The following KCNK1 variants were observed in gnomAD, a reference collection of about 807,000 sequenced individuals.
The protein encoded by KCNK1 is potassium two pore domain channel subfamily K member 1, also known as potassium channel subfamily K member 1.
In KCNK1, 10 loss-of-function variants were observed where a neutral mutation model predicts 22.2. That is an observed-to-expected ratio of 0.45 (90% confidence interval 0.28 to 0.76). The LOEUF (loss-of-function observed/expected upper bound fraction) is 0.76, where lower values mean the gene tolerates loss of function less well. KCNK1 is among the 30% of genes least tolerant of loss of function. The probability of loss-of-function intolerance (pLI) is 0.14; values close to 1 mark genes in which losing one functional copy is unlikely to be tolerated. For synonymous variants in KCNK1, 200 were observed against 186.4 expected, an observed-to-expected ratio of 1.07 and a Z score of -0.60; for missense variants, 378 against 421.0, an observed-to-expected ratio of 0.90 and a Z score of 0.89.
chr1:233,621,443 G>A (rs896795189), intron 1 of KCNK1, among the ~76,000 whole-genome samples: 9 of 152,214 alleles, frequency 5.9e-5, no homozygotes, highest in Admixed American at 4.6e-4. Flanking sequence ...ACAAATAGTG[G>A]AGGACAAGAG....
chr1:233,623,158 T>C (rs1433169389), intron 1 of KCNK1, among the ~76,000 whole-genome samples: 1 of 152,072 alleles, frequency 6.6e-6, no homozygotes, highest in Non-Finnish European at 1.5e-5. Context: ...CACTAACTTC[T>C]GGGATTATCT....
At chr1:233,617,503 G>A (rs1021146800) in intron 1 of KCNK1, among the ~76,000 whole-genome samples, 2 of 152,202 alleles carry the variant, frequency 1.3e-5, no homozygotes, top group African/African-American at 4.8e-5. Flanking sequence ...CACACATTTA[G>A]TTAATATAAG....
intron 1 of KCNK1, among the ~76,000 whole-genome samples, chr1:233,637,845 C>T (rs3855978): frequency 0.17 from 25,486 of 151,942 alleles, 4,281 homozygotes; most frequent in African/African-American, 0.42. Context: ...TGAATAGACT[C>T]AATATTTAAA....
At chr1:233,653,116 T>C (rs1301434187) in intron 1 of KCNK1, among the ~76,000 whole-genome samples, 2 of 152,166 alleles carry the variant, frequency 1.3e-5, no homozygotes, top group African/African-American at 2.4e-5. Context: ...CTGGGACAAC[T>C]CCTATATTCC....
At chr1:233,621,631 C>T (rs1657588455) in intron 1 of KCNK1, among the ~76,000 whole-genome samples, 1 of 152,142 alleles carries the variant, frequency 6.6e-6, no homozygotes, top group East Asian at 1.9e-4. Context: ...AACATTTCCA[C>T]CCAATAATGG....
intron 1 of KCNK1, among the ~76,000 whole-genome samples, chr1:233,651,681 G>A (rs952868021): frequency 3.0e-4 from 45 of 152,134 alleles, no homozygotes; most frequent in African/African-American, 1.0e-3. Flanking sequence ...CTCTCTCTTC[G>A]AATGTCCCAG....
chr1:233,651,171 G>A (rs1217350824), intron 1 of KCNK1, among the ~76,000 whole-genome samples: 3 of 152,174 alleles, frequency 2.0e-5, no homozygotes, highest in Non-Finnish European at 2.9e-5. Context: ...TCTGCAATCT[G>A]TCTTCCATTG....
chr1:233,644,125 A>G (rs958934335), intron 1 of KCNK1, among the ~76,000 whole-genome samples: 1 of 152,198 alleles, frequency 6.6e-6, no homozygotes, highest in African/African-American at 2.4e-5. Context: ...CTTCTGATGA[A>G]GGCCTTCTTC....
At chr1:233,666,425 T>A (rs1409667100) in intron 1 of KCNK1, among the ~76,000 whole-genome samples, 170 bp from the exon 2 acceptor site, 1 of 152,200 alleles carries the variant, frequency 6.6e-6, no homozygotes, top group Admixed American at 6.5e-5. Flanking sequence ...CTGTTGAATT[T>A]TACTGGGACA....
chr1:233,656,365 G>GTGGTGCGTAAA (rs1449055012), intron 1 of KCNK1, among the ~76,000 whole-genome samples: 1 of 152,198 alleles, frequency 6.6e-6, no homozygotes, highest in Non-Finnish European at 1.5e-5. Context: ...ATAAGTGAGG[G>GTGGTGCGTAAA]TGGTGCGTAA....
rs547866598 is a variant in KCNK1, at chr1:233,614,254, T to C, written c.83T>C (p.Leu28Pro). 4.3e-6 allele frequency: 7 copies of C among 1,613,284 alleles called. No homozygotes were observed. The highest frequency in any genetic ancestry group is 1.3e-5 in the African/African-American group (1 of 75,042). ...RSAWCFGFLVLGYLLYLVFGA... is the reference protein window; with the variant it reads ...RSAWCFGFLVPGYLLYLVFGA... ...GCCTGGTGCTTCGGCTTCCTGGTGCTGGGCTACTTGCTCTACCTGGTCTTC... is the reference window on the plus strand; with the variant it reads ...GCCTGGTGCTTCGGCTTCCTGGTGCCGGGCTACTTGCTCTACCTGGTCTTC... Residue 28 changes from leucine (L) to proline (P), a missense_variant, in exon 1 of 3, where the codon CTG becomes CCG. Physicochemically the swap from Leu to Pro is moderately conservative, Grantham distance 98. Transcript: ENST00000366621.
intron 1 of KCNK1, among the ~76,000 whole-genome samples, chr1:233,617,819 A>C (rs143991053): frequency 1.9e-3 from 282 of 152,358 alleles, no homozygotes; most frequent in African/African-American, 6.1e-3. Flanking sequence ...GTGTGCCTGT[A>C]GTCCCAGCTA....
chr1:233,622,049 T>C (rs1657597358), intron 1 of KCNK1, among the ~76,000 whole-genome samples: 1 of 152,200 alleles, frequency 6.6e-6, no homozygotes, highest in Admixed American at 6.5e-5. Context: ...TAACTGTAAG[T>C]CCTATCAAGA....
intron 1 of KCNK1, among the ~76,000 whole-genome samples, chr1:233,626,056 G>A (rs1033193102): frequency 7.9e-5 from 12 of 151,974 alleles, no homozygotes; most frequent in African/African-American, 2.9e-4. Context: ...ACTCTGGCTG[G>A]TGTAGGAGGG....
chr1:233,648,727 C>G (rs767857200), intron 1 of KCNK1, among the ~76,000 whole-genome samples: 1 of 152,008 alleles, frequency 6.6e-6, no homozygotes, highest in Non-Finnish European at 1.5e-5. Context: ...CCACCACACC[C>G]GGCTGATTTT....
At chr1:233,644,061 GA>G (rs1313356862) in intron 1 of KCNK1, among the ~76,000 whole-genome samples, 1 of 152,178 alleles carries the variant, frequency 6.6e-6, no homozygotes, top group Non-Finnish European at 1.5e-5. Context: ...ATAAAAAACA[GA>G]AATTTATTTC....
chr1:233,645,451 G>A (rs959884484), intron 1 of KCNK1, among the ~76,000 whole-genome samples: 1 of 152,156 alleles, frequency 6.6e-6, no homozygotes, highest in African/African-American at 2.4e-5. Flanking sequence ...AAAAGGGGAA[G>A]AGACAGAGGG....
chr1:233,648,988 G>T (rs533309888), intron 1 of KCNK1, among the ~76,000 whole-genome samples: 2 of 152,252 alleles, frequency 1.3e-5, no homozygotes, highest in South Asian at 4.1e-4. Context: ...GAAGACCTTG[G>T]AAGACCCCAC....
At chr1:233,667,695 A>C (rs1307975102) in intron 2 of KCNK1, among the ~76,000 whole-genome samples, 1 of 132,680 alleles carries the variant, frequency 7.5e-6, no homozygotes, top group East Asian at 2.2e-4. Context: ...GCGCCACTGC[A>C]CTCCAGCCTG....
Sources: allele counts gnomAD v4.1 joint callset (sites outside exome capture counted in the v4.1 genomes callset), GRCh38; gene constraint gnomAD v4.1.1; transcripts MANE v1.5; gene names NCBI Gene and HGNC (gene_info 2026-07-23, HGNC 2026-07-21).